The following MGAT4C variants were observed in gnomAD, a reference collection of about 807,000 sequenced individuals.
The protein encoded by MGAT4C is alpha-1,3-mannosyl-glycoprotein 4-beta-N-acetylglucosaminyltransferase C.
Under a neutral mutation model 40.1 loss-of-function variants are expected in MGAT4C, and 19 were observed. The observed-to-expected ratio is 0.47, with a 90% CI of 0.33 to 0.70. The LOEUF (loss-of-function observed/expected upper bound fraction) is 0.70. Among genes scored for constraint, MGAT4C ranks in the 30% least tolerant of loss-of-function variants. The pLI is 0.02. For missense variants in MGAT4C, 491 were observed against 563.2 expected (o/e 0.87, Z 1.30); for synonymous variants, 181 against 187.1 (o/e 0.97, Z 0.27).
At chr12:86,012,778 A>AACAACAACAACCACC (rs1308194133) in intron 2 of MGAT4C, among the ~76,000 whole-genome samples, 22 of 136,450 alleles carry the variant, frequency 1.6e-4, no homozygotes, top group African/African-American at 5.5e-4. Flanking sequence ...CAACAACAAC[A>AACAACAACAACCACC]ACCACCACCA....
intron 2 of MGAT4C, among the ~76,000 whole-genome samples, chr12:86,649,610 A>AC (rs1237635001): frequency 3.3e-5 from 5 of 151,842 alleles, no homozygotes; most frequent in Non-Finnish European, 7.4e-5. Context: ...GACAACATGT[A>AC]CTTTTTATAT....
At chr12:86,141,359 A>G (rs1176089287) in intron 1 of MGAT4C, among the ~76,000 whole-genome samples, 1 of 152,202 alleles carries the variant, frequency 6.6e-6, no homozygotes, top group Non-Finnish European at 1.5e-5. Flanking sequence ...AAATATAAAT[A>G]AATAGCTGCT....
intron 1 of MGAT4C, among the ~76,000 whole-genome samples, chr12:86,202,658 A>T (rs1484349823): frequency 6.6e-6 from 1 of 151,986 alleles, no homozygotes. Context: ...TTTCCTATAT[A>T]TTACTAGATC....
At chr12:86,713,211 G>T (rs965429754) in intron 2 of MGAT4C, among the ~76,000 whole-genome samples, 31 of 151,968 alleles carry the variant, frequency 2.0e-4, no homozygotes, top group Non-Finnish European at 3.7e-4. Flanking sequence ...TATAACAGAT[G>T]GTTTACATGT....
At chr12:86,711,088 A>C (rs1950548092) in intron 2 of MGAT4C, among the ~76,000 whole-genome samples, 2 of 152,200 alleles carry the variant, frequency 1.3e-5, no homozygotes, top group African/African-American at 4.8e-5. Context: ...AGTACAGTGT[A>C]CACTGGTCGG....
chr12:86,674,624 G>A (rs1053177964), intron 2 of MGAT4C, among the ~76,000 whole-genome samples: 5 of 152,102 alleles, frequency 3.3e-5, no homozygotes, highest in African/African-American at 1.2e-4. Flanking sequence ...TTGAACCTGG[G>A]AGGCGGAGTT....
chr12:86,709,437 A>G (rs1044460566), intron 2 of MGAT4C, among the ~76,000 whole-genome samples: 1 of 152,200 alleles, frequency 6.6e-6, no homozygotes, highest in African/African-American at 2.4e-5. Flanking sequence ...ATGTAATAAA[A>G]TTATCACAAT....
chr12:86,812,702 G>A (rs1301537778), intron 1 of MGAT4C, among the ~76,000 whole-genome samples: 2 of 151,892 alleles, frequency 1.3e-5, no homozygotes, highest in African/African-American at 4.8e-5. Context: ...CTATGTTGTT[G>A]AATGTGAAGT....
intron 4 of MGAT4C, among the ~76,000 whole-genome samples, chr12:86,295,074 T>C (rs4334094): frequency 0.67 from 102,220 of 152,028 alleles, 34,785 homozygotes; most frequent in South Asian, 0.78. Context: ...AATGGTCCTA[T>C]AATAATAATG....
chr12:85,989,121 A>G (rs1885587569), intron 3 of MGAT4C, among the ~76,000 whole-genome samples: 1 of 152,066 alleles, frequency 6.6e-6, no homozygotes, highest in Admixed American at 6.5e-5. Flanking sequence ...ATGGCTCCAC[A>G]TATTTATTCT....
At chr12:86,794,057 C>G (rs966512060) in intron 1 of MGAT4C, among the ~76,000 whole-genome samples, 2 of 151,840 alleles carry the variant, frequency 1.3e-5, no homozygotes, top group Non-Finnish European at 2.9e-5. Flanking sequence ...AGTACATATA[C>G]ATTTTTACAG....
chr12:86,118,126 C>T (rs941160198), intron 1 of MGAT4C, among the ~76,000 whole-genome samples: 4 of 152,138 alleles, frequency 2.6e-5, no homozygotes, highest in African/African-American at 9.7e-5. Flanking sequence ...ACATGAATAA[C>T]ATTTTCTGAT....
intron 2 of MGAT4C, among the ~76,000 whole-genome samples, chr12:86,630,797 T>C (rs1334428697): frequency 1.3e-5 from 2 of 152,262 alleles, no homozygotes; most frequent in African/African-American, 2.4e-5. Context: ...GCCAGTATCA[T>C]ACTGAATGGG....
chr12:86,447,306 G>A (rs1957356735), intron 2 of MGAT4C, among the ~76,000 whole-genome samples: 1 of 152,042 alleles, frequency 6.6e-6, no homozygotes, highest in South Asian at 2.1e-4. Context: ...TGTATTTTTA[G>A]TAGAGACAGG....
intron 4 of MGAT4C, among the ~76,000 whole-genome samples, chr12:86,278,352 T>A (rs2136115012): frequency 6.6e-6 from 1 of 152,166 alleles, no homozygotes; most frequent in African/African-American, 2.4e-5. Flanking sequence ...CTAATTTTTG[T>A]ATTTTTAGTA....
At chr12:86,221,129 GAGAA>G (rs1312154616) in intron 1 of MGAT4C, among the ~76,000 whole-genome samples, 9 of 152,130 alleles carry the variant, frequency 5.9e-5, no homozygotes, top group Admixed American at 5.9e-4. Context: ...GGAATCAACA[GAGAA>G]GCTACTTGGT....
At chr12:86,408,477 C>CTATATATATATA (rs1222218802) in intron 3 of MGAT4C, among the ~76,000 whole-genome samples, 8 of 97,572 alleles carry the variant, frequency 8.2e-5, no homozygotes, top group African/African-American at 2.8e-4. Flanking sequence ...CTCTCTCTCT[C>CTATATATATATA]TCTATATATA....
chr12:86,468,729 T>C (rs1046560955), intron 2 of MGAT4C, among the ~76,000 whole-genome samples: 4 of 152,158 alleles, frequency 2.6e-5, no homozygotes, highest in Non-Finnish European at 5.9e-5. Flanking sequence ...GTTTCAGACA[T>C]AGCAAGCATA....
intron 3 of MGAT4C, among the ~76,000 whole-genome samples, chr12:86,377,060 C>CTT (rs57102882): frequency 1.8e-4 from 23 of 130,642 alleles, no homozygotes; most frequent in South Asian, 2.4e-4. Context: ...TAGGCATTTG[C>CTT]TTTTTTTTTT....
Sources: gnomAD v4.1 joint callset for allele counts (sites outside exome capture counted in the v4.1 genomes callset) on GRCh38, gnomAD v4.1.1 for gene constraint, MANE v1.5 for transcripts, NCBI Gene and HGNC (gene_info 2026-07-23, HGNC 2026-07-21) for gene names.